The following UHRF2 variants were observed in gnomAD, a reference collection of about 807,000 sequenced individuals.
UHRF2 encodes the protein ubiquitin like with PHD and ring finger domains 2.
Under a neutral mutation model 96.8 loss-of-function variants are expected in UHRF2, and 23 were observed. That is an observed-to-expected ratio of 0.24 (90% confidence interval 0.17 to 0.34). UHRF2 has a LOEUF of 0.34. UHRF2 is among the 10% of genes least tolerant of loss of function. The probability of loss-of-function intolerance (pLI) is 1.00; values close to 1 mark genes in which losing one functional copy is unlikely to be tolerated. For missense variants in UHRF2, 685 were observed against 981.5 expected (o/e 0.70, Z 4.04); for synonymous variants, 385 against 332.6 (o/e 1.16, Z -1.72).
chr9:6,477,141 G>T (rs1219674442), intron 5 of UHRF2, among the ~76,000 whole-genome samples: 1 of 152,048 alleles, frequency 6.6e-6, no homozygotes, highest in Non-Finnish European at 1.5e-5. Context: ...GCTGAGGCAG[G>T]AGAATTACTT....
intron 3 of UHRF2, among the ~76,000 whole-genome samples, chr9:6,457,547 AACAGGAATGGTGAGAGAGGCCATCCC>A (rs1416104488): frequency 6.6e-6 from 1 of 152,160 alleles, no homozygotes; most frequent in East Asian, 1.9e-4. Context: ...CACTCTGTTG[AACAGGAATGGTGAGAGAGGCCATCCC>A]TGTCTTGTGC....
intron 2 of UHRF2, among the ~76,000 whole-genome samples, chr9:6,433,499 A>G (rs1212234112): frequency 6.6e-6 from 1 of 152,038 alleles, no homozygotes; most frequent in East Asian, 1.9e-4. Flanking sequence ...TTCTGGTTGG[A>G]CTGTGTAAGT....
At chr9:6,495,470 C>G (rs748813384) in intron 10 of UHRF2, 2 of 152,196 alleles carry the variant, frequency 1.3e-5, no homozygotes, top group African/African-American at 4.8e-5. Flanking sequence ...GCACTTTGCT[C>G]TGACCCATAG....
chr9:6,480,157 C>A (rs1174797618), intron 6 of UHRF2, among the ~76,000 whole-genome samples: 2 of 152,174 alleles, frequency 1.3e-5, no homozygotes, highest in African/African-American at 4.8e-5. Flanking sequence ...TCAAAGCATA[C>A]CATTTCTTTT....
At position 6,482,098 on chromosome 9, in the gene UHRF2, A is replaced by G. The variant is rs1362120274; in HGVS notation, c.1391A>G (p.Gln464Arg). Residue 464 changes from glutamine (Q) to arginine (R), a missense_variant and splice_region_variant, in exon 8 of 16, where the codon CAG (glutamine) becomes CGG (arginine). Physicochemically the swap from Gln to Arg is conservative, Grantham distance 43. Transcript: ENST00000276893. ...GGATCAACTTGGAGATTTAGAGTTC[A>G]GGTATGTTTTAACTTGGGCTTAGTT... is the stretch of plus-strand genomic sequence containing the variant. ...PVGSTWRFRVQVSEAGVHRPH... is the reference protein window; with the variant it reads ...PVGSTWRFRVRVSEAGVHRPH... The G allele has an allele frequency of 6.2e-7, 1 of 1,613,494 alleles. No individual in the cohort carries two copies. The highest frequency in any genetic ancestry group is 8.5e-7 in the Non-Finnish European group (1 of 1,179,508).
chr9:6,492,567 G>T (rs1824722639), intron 9 of UHRF2: 2 of 161,516 alleles, frequency 1.2e-5, no homozygotes, highest in Non-Finnish European at 2.6e-5. Flanking sequence ...ATGTTTATTT[G>T]TGGCTTTTAA....
intron 4 of UHRF2, among the ~76,000 whole-genome samples, chr9:6,473,721 C>A (rs1340591979): frequency 6.6e-6 from 1 of 152,174 alleles, no homozygotes; most frequent in African/African-American, 2.4e-5. Flanking sequence ...TGGTCTGTCA[C>A]AACTACTTAA....
At position 6,431,452 on chromosome 9, in the gene UHRF2, A is replaced by G. The variant is rs749886947; in HGVS notation, c.385-2462A>G. ...GCAAACTCTGTCTCTACAAGAAGTA[A>G]CATTAGCTAGGTGTGGTGGCATATA... On this transcript the variant is annotated intron_variant, in intron 2 of 15. Transcript: ENST00000276893. Among the ~76,000 whole-genome samples, 5 of 152,118 alleles carry G rather than the reference A, an allele frequency of 3.3e-5. No individual in the cohort carries two copies. In the South Asian group the frequency reaches 6.2e-4, roughly 19 times the overall value.
chr9:6,486,805 TTTAA>T lies in UHRF2; in HGVS notation c.1393-13_1393-10del, dbSNP rs1200819070. 3 of 1,612,914 alleles carry T rather than the reference TTTAA, an allele frequency of 1.9e-6. No homozygotes were observed. Among genetic ancestry groups the T allele is most frequent in the African/African-American group, 1.3e-5 (1 of 74,912 alleles). ...TGTTCAGAGGTATTTTGAGACTCTC[TTTAA>T]TTGTTTTATAGGTGAGCGAAGCAGG... is the stretch of plus-strand genomic sequence containing the variant. On this transcript the variant is annotated splice_polypyrimidine_tract_variant and intron_variant, in intron 8 of 15. Transcript: ENST00000276893.
intron 2 of UHRF2, among the ~76,000 whole-genome samples, chr9:6,428,923 G>C (rs1164741915): frequency 2.0e-5 from 3 of 152,140 alleles, no homozygotes; most frequent in African/African-American, 7.2e-5. Flanking sequence ...CAGCACTTTG[G>C]GAGGTGGAGG....
intron 9 of UHRF2, 102 bp downstream of exon 9, chr9:6,487,027 C>A: frequency 9.1e-7 from 1 of 1,102,540 alleles, no homozygotes; most frequent in Admixed American, 2.4e-5. Flanking sequence ...GTCTTTTTAG[C>A]ACAGTTTTTG....
intron 3 of UHRF2, among the ~76,000 whole-genome samples, chr9:6,457,710 G>A (rs1445014298): frequency 1.3e-5 from 2 of 152,122 alleles, no homozygotes; most frequent in Non-Finnish European, 2.9e-5. Context: ...AGAGTTTTTA[G>A]CATGAAGGGG....
intron 3 of UHRF2, among the ~76,000 whole-genome samples, chr9:6,456,526 C>G (rs1265717538): frequency 1.3e-5 from 2 of 152,172 alleles, no homozygotes; most frequent in African/African-American, 2.4e-5. Context: ...TGCAGCAGCT[C>G]TTTAGTTTAA....
intron 8 of UHRF2, among the ~76,000 whole-genome samples, chr9:6,485,457 T>G (rs1469170725): frequency 6.6e-6 from 1 of 151,744 alleles, no homozygotes; most frequent in Non-Finnish European, 1.5e-5. Context: ...GTGGGGAAGA[T>G]TTAGGAAAAA....
At position 6,421,848 on chromosome 9, in the gene UHRF2, A is replaced by T. The variant is rs573297972; in HGVS notation, c.384+706A>T. Among the ~76,000 whole-genome samples, 75 of 152,146 alleles carry T rather than the reference A, an allele frequency of 4.9e-4. No homozygotes were observed. The South Asian group carries it at 6.2e-3, about 13-fold the overall frequency. The stretch of plus-strand genomic sequence containing the variant: ...TTTTGCTACTTACGTATATTTCTCT[A>T]GGCAGTATGTTTTGTCTGTATTTGA... On this transcript the variant is annotated intron_variant, in intron 2 of 15. Transcript: ENST00000276893.
intron 3 of UHRF2, among the ~76,000 whole-genome samples, chr9:6,446,787 G>A (rs1213099972): frequency 6.6e-6 from 1 of 151,948 alleles, no homozygotes; most frequent in Non-Finnish European, 1.5e-5. Flanking sequence ...GGGGATTACA[G>A]TGAGCTGAAA....
chr9:6,417,074 A>C (rs1010394832), intron 1 of UHRF2, among the ~76,000 whole-genome samples: 2 of 152,150 alleles, frequency 1.3e-5, no homozygotes, highest in Admixed American at 6.6e-5. Context: ...ACACATATAT[A>C]ATATGTGATG....
In UHRF2 at chr9:6,506,747, A is replaced by G. The variant is rs1375565520; in HGVS notation, c.*568A>G. On this transcript the variant is annotated 3_prime_UTR_variant, in exon 16 of 16. Coordinates refer to ENST00000276893, the MANE Select transcript of UHRF2 (RefSeq NM_152896.3). ...CCATTGTGCTTTTTTCTGGTGTTTT[A>G]TGCAAGTTGACTACTAATGACTAAT... 1 of 152,694 alleles carries G rather than the reference A, an allele frequency of 6.5e-6. No individual in the cohort carries two copies. Among genetic ancestry groups the G allele is most frequent in the Non-Finnish European group, 1.5e-5 (1 of 68,128 alleles). 9.5% of individuals were successfully genotyped at this position (152,694 alleles called of 1,614,324 possible).
chr9:6,422,321 C>A (rs1005411910), intron 2 of UHRF2, among the ~76,000 whole-genome samples: 2 of 152,168 alleles, frequency 1.3e-5, no homozygotes, highest in African/African-American at 4.8e-5. Context: ...ACCTCCTCAT[C>A]TGCCCTCCTC....
Sources: allele counts gnomAD v4.1 joint callset (sites outside exome capture counted in the v4.1 genomes callset), GRCh38; gene constraint gnomAD v4.1.1; transcripts MANE v1.5; gene names NCBI Gene and HGNC (gene_info 2026-07-23, HGNC 2026-07-21).